Variants in HTR1F observed in about 807,000 individuals in gnomAD.
HTR1F encodes 5-hydroxytryptamine (serotonin) receptor 1F, G protein-coupled.
In HTR1F, 17 loss-of-function variants were observed where a neutral mutation model predicts 24.0. That is an observed-to-expected ratio of 0.71 (90% confidence interval 0.48 to 1.06). HTR1F has a LOEUF of 1.06. Ranked by LOEUF, HTR1F falls within the 50% of genes least tolerant of loss-of-function variation. HTR1F has a pLI of 0.00. For synonymous variants in HTR1F, 186 were observed against 156.8 expected (o/e 1.19, Z -1.39); for missense variants, 391 against 427.8 (o/e 0.91, Z 0.76).
intron 2 of HTR1F, among the ~76,000 whole-genome samples, chr3:87,848,428 G>C (rs1175124875): frequency 1.3e-5 from 2 of 151,690 alleles, no homozygotes; most frequent in Non-Finnish European, 2.9e-5. Flanking sequence ...TGCGGAACAA[G>C]TAATTTGCAA....
chr3:87,959,605 C>T (rs1204150435), intron 2 of HTR1F, among the ~76,000 whole-genome samples: 5 of 151,812 alleles, frequency 3.3e-5, no homozygotes, highest in South Asian at 2.1e-4. Flanking sequence ...TGTTAAACCT[C>T]CAACAATGTC....
chr3:87,986,589 T>C (rs1226072952), intron 2 of HTR1F, among the ~76,000 whole-genome samples: 1 of 152,260 alleles, frequency 6.6e-6, no homozygotes, highest in Non-Finnish European at 1.5e-5. Context: ...ATTTTAAGCT[T>C]GTCAATTTTG....
At chr3:87,947,253 A>C (rs891744862) in intron 2 of HTR1F, among the ~76,000 whole-genome samples, 5 of 152,194 alleles carry the variant, frequency 3.3e-5, no homozygotes, top group African/African-American at 1.2e-4. Context: ...GGACAATGCT[A>C]AATAGAAGTC....
chr3:87,926,842 G>GA (rs1351056440), intron 2 of HTR1F, among the ~76,000 whole-genome samples: 1 of 152,170 alleles, frequency 6.6e-6, no homozygotes, highest in East Asian at 1.9e-4. Context: ...ACGACACGGT[G>GA]ATAGGTAAGG....
At chr3:87,932,275 T>A (rs1337133762) in intron 2 of HTR1F, among the ~76,000 whole-genome samples, 1 of 152,196 alleles carries the variant, frequency 6.6e-6, no homozygotes, top group Admixed American at 6.5e-5. Context: ...CTAGCCAGTT[T>A]TCCCAGCACC....
At chr3:87,945,708 G>A (rs1460803068) in intron 2 of HTR1F, among the ~76,000 whole-genome samples, 3 of 152,210 alleles carry the variant, frequency 2.0e-5, no homozygotes, top group African/African-American at 7.2e-5. Context: ...TGAGTCTTAA[G>A]TCCAGCAGCC....
chr3:87,828,221 C>A (rs928990550), intron 2 of HTR1F, among the ~76,000 whole-genome samples: 3 of 152,148 alleles, frequency 2.0e-5, no homozygotes, highest in African/African-American at 7.2e-5. Flanking sequence ...TGAGAACTTT[C>A]AAAAACCCAC....
In HTR1F at chr3:87,932,628, A is replaced by C. The variant is rs1032340630; in HGVS notation, c.-42-58080A>C. Among the ~76,000 whole-genome samples the C allele has an allele frequency of 3.9e-5, 6 of 152,072 alleles. No individual in the cohort carries two copies. In the East Asian group the frequency reaches 5.8e-4, roughly 15 times the overall value. On this transcript the variant is annotated intron_variant, in intron 2 of 2. Coordinates refer to ENST00000319595, the MANE Select transcript of HTR1F (RefSeq NM_001322209.2). ...GGGATGGCAAAAAATTCCTCAACAC[A>C]TACACTCTCCCAAGACTAAACCAGG...
intron 2 of HTR1F, among the ~76,000 whole-genome samples, chr3:87,869,701 C>T (rs1705513618): frequency 1.3e-5 from 2 of 151,944 alleles, no homozygotes; most frequent in African/African-American, 2.4e-5. Flanking sequence ...TTATTACTTG[C>T]GGGAGAAGCC....
rs573765303 is a variant in HTR1F at position 87,842,588 on chromosome 3, C to T, written c.-43+20464C>T. 1.3e-3 allele frequency among the ~76,000 whole-genome samples: 196 copies of T among 151,766 alleles called. 2 individuals carry two copies. The highest frequency in any genetic ancestry group is 2.0e-3 in the Non-Finnish European group (138 of 67,978). On this transcript the variant is annotated intron_variant, in intron 2 of 2. Transcript: ENST00000319595. ...AAAATAATTTCCTGGGGAAAAAAACCGTCTTAAATAATGACAAGTACTAAA... is the reference window on the plus strand; with the variant it reads ...AAAATAATTTCCTGGGGAAAAAAACTGTCTTAAATAATGACAAGTACTAAA...
At chr3:87,826,320 A>G (rs1284720406) in intron 2 of HTR1F, among the ~76,000 whole-genome samples, 1 of 152,138 alleles carries the variant, frequency 6.6e-6, no homozygotes, top group Non-Finnish European at 1.5e-5. Context: ...TCTTCATGCT[A>G]TTTTCTTGCT....
chr3:87,815,440 G>A (rs1211015658), intron 1 of HTR1F, among the ~76,000 whole-genome samples: 1 of 151,978 alleles, frequency 6.6e-6, no homozygotes, highest in Non-Finnish European at 1.5e-5. Context: ...ATGAGCCTAT[G>A]GATTTGTCTT....
intron 2 of HTR1F, among the ~76,000 whole-genome samples, chr3:87,916,509 A>G (rs541028588): frequency 2.0e-5 from 3 of 152,094 alleles, no homozygotes; most frequent in Non-Finnish European, 4.4e-5. Context: ...AAAGACTCAC[A>G]TAATCTTAAA....
intron 2 of HTR1F, among the ~76,000 whole-genome samples, chr3:87,935,209 A>G (rs1559639032): frequency 6.6e-6 from 1 of 152,182 alleles, no homozygotes; most frequent in Non-Finnish European, 1.5e-5. Context: ...AAAGGCAGAG[A>G]CAACAACGTG....
chr3:87,847,973 A>G (rs1704984180), intron 2 of HTR1F, among the ~76,000 whole-genome samples: 1 of 151,974 alleles, frequency 6.6e-6, no homozygotes, highest in Admixed American at 6.6e-5. Flanking sequence ...TGCAATAAGC[A>G]TGTGAGTACA....
chr3:87,849,473 A>T (rs991234240), intron 2 of HTR1F, among the ~76,000 whole-genome samples: 1 of 151,974 alleles, frequency 6.6e-6, no homozygotes, highest in Admixed American at 6.6e-5. Flanking sequence ...TGGATTAAAG[A>T]CTTACATGTT....
intron 1 of HTR1F, among the ~76,000 whole-genome samples, chr3:87,799,182 T>G (rs1703955316): frequency 6.6e-6 from 1 of 152,226 alleles, no homozygotes; most frequent in African/African-American, 2.4e-5. Flanking sequence ...CATCAGCTAC[T>G]GTAATTTCAG....
chr3:87,990,762 A>C lies in HTR1F; in HGVS notation c.13A>C (p.Asn5His). 1 of 1,609,686 alleles carries C rather than the reference A, an allele frequency of 6.2e-7. No individual in the cohort carries two copies. The highest frequency in any genetic ancestry group is 8.5e-7 in the Non-Finnish European group (1 of 1,176,536). Reference protein sequence around the residue: MDFLNSSDQNLTSEE... With the variant: MDFLHSSDQNLTSEE... ...TAAAACAAAGAAAATGGATTTCTTA[A>C]ATTCATCTGATCAAAACTTGACCTC... The change falls in exon 3 of 3, where the codon AAT becomes CAT. Residue 5 changes from asparagine (N) to histidine (H), a missense_variant. Coordinates refer to ENST00000319595, the MANE Select transcript of HTR1F (RefSeq NM_001322209.2).
intron 2 of HTR1F, among the ~76,000 whole-genome samples, chr3:87,881,586 C>G (rs868577221): frequency 1.8e-4 from 28 of 152,238 alleles, no homozygotes; most frequent in Middle Eastern, 3.4e-3. Context: ...CTTTGACAAA[C>G]CTGAGAAAAA....
Sources: gnomAD v4.1 joint callset for allele counts (sites outside exome capture counted in the v4.1 genomes callset) on GRCh38, gnomAD v4.1.1 for gene constraint, MANE v1.5 for transcripts, NCBI Gene and HGNC (gene_info 2026-07-23, HGNC 2026-07-21) for gene names.